Variants in UMAD1 observed in about 807,000 individuals in gnomAD.
UMAD1 encodes UBAP1-MVB12-associated (UMA) domain containing 1.
A neutral mutation model predicts 6.1 loss-of-function variants in UMAD1; 8 were observed. That is an observed-to-expected ratio of 1.30 (90% CI 0.76 to 2.35). The LOEUF is 2.35. Ranked by LOEUF, UMAD1 falls within the 30% of genes most tolerant of loss-of-function variation. UMAD1 has a pLI of 0.00. For synonymous variants in UMAD1, 56 were observed against 31.4 expected (o/e 1.78, Z -2.61); for missense variants, 130 against 78.4 (o/e 1.66, Z -2.49).
chr7:7,675,615 A>G (rs1273539988), intron 2 of UMAD1, among the ~76,000 whole-genome samples: 1 of 152,168 alleles, frequency 6.6e-6, no homozygotes, highest in Non-Finnish European at 1.5e-5. Context: ...TTAAGAAGGA[A>G]TTTCCGGGAC....
At chr7:7,807,305 A>G (rs1314334723) in intron 3 of UMAD1, among the ~76,000 whole-genome samples, 2 of 152,150 alleles carry the variant, frequency 1.3e-5, no homozygotes, top group Non-Finnish European at 2.9e-5. Context: ...TTAATTTTTT[A>G]TGATTAAGAA....
At chr7:7,825,133 G>C (rs949239913) in intron 3 of UMAD1, among the ~76,000 whole-genome samples, 2 of 152,074 alleles carry the variant, frequency 1.3e-5, no homozygotes, top group South Asian at 4.2e-4. Flanking sequence ...TGGGAATAGA[G>C]TGGATAGGAG....
At chr7:7,715,150 A>G (rs1780866696) in intron 2 of UMAD1, 1 of 152,202 alleles carries the variant, frequency 6.6e-6, no homozygotes, top group South Asian at 2.1e-4. Context: ...TTCAGCATAG[A>G]AACAGTTAAA....
At chr7:7,648,730 G>A (rs1243380734) in intron 1 of UMAD1, among the ~76,000 whole-genome samples, 1 of 152,072 alleles carries the variant, frequency 6.6e-6, no homozygotes, top group Non-Finnish European at 1.5e-5. Context: ...GTGTGTGCCT[G>A]TGGTCCTAGC....
At chr7:7,805,493 C>G (rs1360646287) in intron 3 of UMAD1, among the ~76,000 whole-genome samples, 43 of 152,132 alleles carry the variant, frequency 2.8e-4, no homozygotes. Flanking sequence ...TAAGCCACCC[C>G]TTTTACTAGG....
chr7:7,808,128 ACT>A (rs1288251469), intron 3 of UMAD1, among the ~76,000 whole-genome samples: 2 of 151,936 alleles, frequency 1.3e-5, no homozygotes, highest in Non-Finnish European at 2.9e-5. Context: ...ATGTCATTAG[ACT>A]CTGATATTTG....
intron 2 of UMAD1, among the ~76,000 whole-genome samples, chr7:7,684,615 G>A (rs77388601): frequency 0.017 from 2,625 of 152,128 alleles, 78 homozygotes; most frequent in African/African-American, 0.06. Flanking sequence ...AACCTTAGAT[G>A]TTTTTTGAAA....
At chr7:7,867,817 C>G (rs1295625349) in intron 3 of UMAD1, among the ~76,000 whole-genome samples, 1 of 152,084 alleles carries the variant, frequency 6.6e-6, no homozygotes, top group Admixed American at 6.5e-5. Flanking sequence ...TTAATTGCTT[C>G]TAGGAAAGAT....
chr7:7,755,404 T>C (rs1781758944), intron 2 of UMAD1, among the ~76,000 whole-genome samples: 1 of 152,160 alleles, frequency 6.6e-6, no homozygotes. Context: ...GAGGAAATGG[T>C]GTTATGGCAG....
intron 3 of UMAD1, among the ~76,000 whole-genome samples, chr7:7,807,198 G>C (rs78997001): frequency 0.022 from 3,375 of 152,232 alleles, 42 homozygotes; most frequent in Non-Finnish European, 0.033. Flanking sequence ...GTAGCTGTGA[G>C]ATTTCGATGG....
chr7:7,666,545 A>G (rs1309186878), intron 1 of UMAD1, among the ~76,000 whole-genome samples: 2 of 152,082 alleles, frequency 1.3e-5, no homozygotes, highest in South Asian at 2.1e-4. Flanking sequence ...TTTAATAGGT[A>G]TATAATGGTA....
intron 1 of UMAD1, among the ~76,000 whole-genome samples, chr7:7,671,593 A>G (rs892547195): frequency 1.3e-5 from 2 of 152,048 alleles, no homozygotes; most frequent in Non-Finnish European, 2.9e-5. Flanking sequence ...TTTGAAATCT[A>G]TTGTCTTACA....
chr7:7,875,430 G>C (rs1230622144), intron 3 of UMAD1, among the ~76,000 whole-genome samples: 2 of 152,092 alleles, frequency 1.3e-5, no homozygotes, highest in Non-Finnish European at 2.9e-5. Flanking sequence ...TAACAAAATA[G>C]ATGGACCATT....
intron 2 of UMAD1, among the ~76,000 whole-genome samples, chr7:7,714,993 A>G (rs924637764): frequency 6.6e-6 from 1 of 152,098 alleles, no homozygotes; most frequent in East Asian, 1.9e-4. Flanking sequence ...TACAGTTGCC[A>G]TAGGCAGCAA....
chr7:7,831,487 G>C (rs1266865925), intron 3 of UMAD1, among the ~76,000 whole-genome samples: 1 of 152,156 alleles, frequency 6.6e-6, no homozygotes, highest in Non-Finnish European at 1.5e-5. Flanking sequence ...AAGTCAAAGT[G>C]GCCTCTAAAT....
intron 3 of UMAD1, among the ~76,000 whole-genome samples, chr7:7,808,546 A>G (rs1477071274): frequency 1.3e-5 from 2 of 152,018 alleles, no homozygotes; most frequent in South Asian, 2.1e-4. Context: ...AGTTTTTAAT[A>G]TAACTATGTC....
chr7:7,717,665 A>G (rs1236935221), intron 2 of UMAD1, among the ~76,000 whole-genome samples: 2 of 152,206 alleles, frequency 1.3e-5, no homozygotes, highest in African/African-American at 4.8e-5. Context: ...ACTTTGGGGC[A>G]TCAACAGCAT....
At chr7:7,706,911 A>G (rs1234396876) in intron 2 of UMAD1, among the ~76,000 whole-genome samples, 1 of 152,198 alleles carries the variant, frequency 6.6e-6, no homozygotes, top group Non-Finnish European at 1.5e-5. Flanking sequence ...GGGGTGGCTA[A>G]GATCCTAACA....
In UMAD1 at chr7:7,878,991, A is replaced by G. The variant is rs558374874; in HGVS notation, c.*1453A>G. 1.3e-5 allele frequency: 2 copies of G among 152,310 alleles called. No individual in the cohort carries two copies. The highest frequency in any genetic ancestry group is 3.9e-4 in the East Asian group (2 of 5,192). The allele number at this position is 152,310 out of a possible 1,614,324, so 9.4% of individuals were successfully genotyped here. A position where few individuals can be genotyped will look rare whatever the true frequency, so the allele number is the denominator to read the frequency against. ...ACATTTTGTAGTAGTTTTGTAAAAGAACATCCTTTTCAAATATCTGTGTTA... is the reference window on the plus strand; with the variant it reads ...ACATTTTGTAGTAGTTTTGTAAAAGGACATCCTTTTCAAATATCTGTGTTA... On this transcript the variant is annotated 3_prime_UTR_variant, in exon 4 of 4. Coordinates refer to ENST00000682710, the MANE Select transcript of UMAD1 (RefSeq NM_001302348.2).
Sources: gnomAD v4.1 joint callset for allele counts (sites outside exome capture counted in the v4.1 genomes callset) on GRCh38, gnomAD v4.1.1 for gene constraint, MANE v1.5 for transcripts, NCBI Gene and HGNC (gene_info 2026-07-23, HGNC 2026-07-21) for gene names.